Variants in CNTNAP2 observed in about 807,000 individuals in gnomAD.
CNTNAP2 encodes the protein contactin associated protein 2.
A neutral mutation model predicts 155.2 loss-of-function variants in CNTNAP2; 98 were observed. The ratio of observed to expected loss-of-function variants is 0.63; its 90% CI spans 0.54 to 0.75. The LOEUF is 0.75. Among genes scored for constraint, CNTNAP2 ranks in the 30% least tolerant of loss-of-function variants. The pLI, the probability that CNTNAP2 is intolerant of heterozygous loss-of-function variation, is 0.00. For missense variants in CNTNAP2, 1,727 were observed against 1,688.1 expected, an observed-to-expected ratio of 1.02 and a Z score of -0.40; for synonymous variants, 651 against 631.2, an observed-to-expected ratio of 1.03 and a Z score of -0.47.
intron 11 of CNTNAP2, among the ~76,000 whole-genome samples, chr7:147,502,235 T>C (rs757258078): frequency 6.6e-6 from 1 of 152,104 alleles, no homozygotes; most frequent in Non-Finnish European, 1.5e-5. Flanking sequence ...CTAAAATTCA[T>C]GTGGAATCAC....
chr7:147,947,729 C>T (rs1800845637), intron 14 of CNTNAP2, among the ~76,000 whole-genome samples: 1 of 152,114 alleles, frequency 6.6e-6, no homozygotes, highest in African/African-American at 2.4e-5. Context: ...CTGGAGAGAC[C>T]TTGGTTCTGA....
intron 13 of CNTNAP2, among the ~76,000 whole-genome samples, chr7:147,792,002 T>G (rs1797827707): frequency 6.6e-6 from 1 of 152,172 alleles, no homozygotes; most frequent in African/African-American, 2.4e-5. Flanking sequence ...GGTCTCCTAG[T>G]GTTTCCCCTA....
At chr7:146,429,245 AT>A (rs1021324327) in intron 1 of CNTNAP2, among the ~76,000 whole-genome samples, 2 of 126,396 alleles carry the variant, frequency 1.6e-5, no homozygotes, top group African/African-American at 1.0e-4. Flanking sequence ...ATTTTAAAAT[AT>A]TTTTTTTTCT....
intron 4 of CNTNAP2, among the ~76,000 whole-genome samples, chr7:147,078,795 G>T (rs191987203): frequency 1.4e-3 from 212 of 151,616 alleles, no homozygotes; most frequent in African/African-American, 4.9e-3. Context: ...TGTCCCCCAG[G>T]CTGGAGTGCA....
intron 1 of CNTNAP2, among the ~76,000 whole-genome samples, chr7:146,185,248 T>C (rs1798606238): frequency 6.6e-6 from 1 of 152,300 alleles, no homozygotes; most frequent in East Asian, 1.9e-4. Flanking sequence ...AAAAAAATAC[T>C]ACTTTTTAGT....
At chr7:147,900,147 G>A (rs1368691633) in intron 13 of CNTNAP2, among the ~76,000 whole-genome samples, 1 of 152,110 alleles carries the variant, frequency 6.6e-6, no homozygotes, top group Non-Finnish European at 1.5e-5. Flanking sequence ...ATCCTCCTGT[G>A]TTTTTCTCCC....
Position 148,187,109 on chromosome 7 carries a change from T to TACACACAC in CNTNAP2, c.3010+14663_3010+14670dup, listed in dbSNP as rs142565546. Among the ~76,000 whole-genome samples the TACACACAC allele has an allele frequency of 1.8e-4, 9 of 49,308 alleles. No homozygotes were observed. In the East Asian group the frequency reaches 5.0e-3, roughly 27 times the overall value. The allele number at this position is 49,308 out of a possible 152,430, so 32.3% of individuals were successfully genotyped here. ...CTCTGTGCGGTTGAGCAAGGAAACATACACACACACACACACACACACACA... is the reference window on the plus strand; with the variant it reads ...CTCTGTGCGGTTGAGCAAGGAAACATACACACACACACACACACACACACACACACACA... On this transcript the variant is annotated intron_variant, in intron 18 of 23. Coordinates refer to ENST00000361727, the MANE Select transcript of CNTNAP2 (RefSeq NM_014141.6).
At chr7:146,975,037 T>C (rs1563028121) in intron 3 of CNTNAP2, among the ~76,000 whole-genome samples, 2 of 152,198 alleles carry the variant, frequency 1.3e-5, no homozygotes, top group African/African-American at 4.8e-5. Flanking sequence ...TATTAACTTC[T>C]ATTAATTTAA....
intron 2 of CNTNAP2, among the ~76,000 whole-genome samples, chr7:146,792,869 A>T (rs1205708270): frequency 6.6e-6 from 1 of 152,190 alleles, no homozygotes; most frequent in African/African-American, 2.4e-5. Context: ...CAATAATTTA[A>T]CAAATATTTG....
rs138268017 is a variant in CNTNAP2, at chr7:148,329,644, A to T, written c.3476-54005A>T. 5.1e-3 allele frequency among the ~76,000 whole-genome samples: 770 copies of T among 152,268 alleles called. 3 individuals are homozygous for T. Among genetic ancestry groups the T allele is most frequent in the African/African-American group, 0.017 (722 of 41,536 alleles). ...ATTGGAAGGGGAAGGTCTTGAGGAG[A>T]GGCTCCTGGTAGGTTTTTTCTGATC... is the stretch of plus-strand genomic sequence containing the variant. On this transcript the variant is annotated intron_variant, in intron 21 of 23. Coordinates refer to ENST00000361727, the MANE Select transcript of CNTNAP2 (RefSeq NM_014141.6).
In CNTNAP2 at chr7:147,842,488, G is replaced by A. The variant is rs190407354; in HGVS notation, c.2099-61077G>A. 6.6e-5 allele frequency among the ~76,000 whole-genome samples: 10 copies of A among 151,512 alleles called. No individual in the cohort carries two copies. In the East Asian group the frequency reaches 1.9e-3, roughly 29 times the overall value. On this transcript the variant is annotated intron_variant, in intron 13 of 23. Transcript: ENST00000361727. ...AGTATATGCAGCTCTGAGAACAAGG[G>A]GGAAGAGAATAATTTCAGCCATTTA...
Position 147,117,093 on chromosome 7 carries a change from G to A in CNTNAP2, c.755-3886G>A, listed in dbSNP as rs12536128. ...ATGGAAATGGGGCCCACAGAACAAT[G>A]CCATTCGGCTCCCTGGATTCTGCCC... On this transcript the variant is annotated intron_variant, in intron 5 of 23. Coordinates refer to ENST00000361727, the MANE Select transcript of CNTNAP2 (RefSeq NM_014141.6). Among the ~76,000 whole-genome samples the A allele has an allele frequency of 1.0e-2, 1,516 of 152,272 alleles. 10 individuals are homozygous for A. Among genetic ancestry groups the A allele is most frequent in the Middle Eastern group, 0.017 (5 of 294 alleles).
At chr7:148,329,657 G>T (rs531257201) in intron 21 of CNTNAP2, among the ~76,000 whole-genome samples, 1 of 152,318 alleles carries the variant, frequency 6.6e-6, no homozygotes, top group East Asian at 1.9e-4. Context: ...CTCCTGGTAG[G>T]TTTTTTCTGA....
At chr7:148,079,359 G>C (rs1803554383) in intron 15 of CNTNAP2, among the ~76,000 whole-genome samples, 1 of 152,158 alleles carries the variant, frequency 6.6e-6, no homozygotes, top group Non-Finnish European at 1.5e-5. Context: ...ATGTTGCCCA[G>C]ATGTCCTATT....
intron 11 of CNTNAP2, among the ~76,000 whole-genome samples, chr7:147,495,037 C>T (rs773724452): frequency 4.6e-5 from 7 of 152,044 alleles, no homozygotes; most frequent in African/African-American, 1.7e-4. Flanking sequence ...AAAGCATAGA[C>T]GAGAGCCATT....
intron 13 of CNTNAP2, among the ~76,000 whole-genome samples, chr7:147,721,626 C>A (rs1220411743): frequency 6.6e-6 from 1 of 152,040 alleles, no homozygotes; most frequent in East Asian, 1.9e-4. Flanking sequence ...TCCAGGAGTT[C>A]CCTTTACATA....
At chr7:146,798,354 A>G (rs963244594) in intron 2 of CNTNAP2, among the ~76,000 whole-genome samples, 6 of 150,962 alleles carry the variant, frequency 4.0e-5, no homozygotes, top group Non-Finnish European at 7.4e-5. Flanking sequence ...TGTTTTCTTT[A>G]TTTTTGACAC....
intron 15 of CNTNAP2, among the ~76,000 whole-genome samples, chr7:147,979,613 G>T (rs1302593120): frequency 6.6e-6 from 1 of 151,858 alleles, no homozygotes; most frequent in Non-Finnish European, 1.5e-5. Flanking sequence ...TTTCTTGTCT[G>T]TTTTGTTTTG....
intron 10 of CNTNAP2, among the ~76,000 whole-genome samples, chr7:147,452,644 T>C (rs1397683050): frequency 2.6e-5 from 4 of 152,184 alleles, no homozygotes; most frequent in African/African-American, 9.7e-5. Context: ...TACCTGCTAA[T>C]TGGATGTGTT....
Sources: allele counts gnomAD v4.1 joint callset (sites outside exome capture counted in the v4.1 genomes callset), GRCh38; gene constraint gnomAD v4.1.1; transcripts MANE v1.5; gene names NCBI Gene and HGNC (gene_info 2026-07-23, HGNC 2026-07-21).